The following ABHD2 variants were observed in gnomAD, a reference collection of about 807,000 sequenced individuals.
The protein encoded by ABHD2 is abhydrolase domain containing 2, acylglycerol lipase.
Under a neutral mutation model 48.1 loss-of-function variants are expected in ABHD2, and 20 were observed. The observed-to-expected ratio is 0.42, with a 90% CI of 0.29 to 0.60. The LOEUF is 0.60. ABHD2 is among the 20% of genes least tolerant of loss of function. The pLI, the probability that ABHD2 is intolerant of heterozygous loss-of-function variation, is 0.24. For missense variants in ABHD2, 405 were observed against 550.9 expected (o/e 0.74, Z 2.65); for synonymous variants, 209 against 214.2 (o/e 0.98, Z 0.21).
At position 89,114,747 on chromosome 15, in the gene ABHD2, G is replaced by A. The variant is rs1017188317; in HGVS notation, c.-7+923G>A. Among the ~76,000 whole-genome samples, 3 of 152,176 alleles carry A rather than the reference G, an allele frequency of 2.0e-5. No individual in the cohort carries two copies. Among genetic ancestry groups the A allele is most frequent in the East Asian group, 1.9e-4 (1 of 5,186 alleles). On this transcript the variant is annotated intron_variant, in intron 2 of 10. Coordinates refer to ENST00000352732, the MANE Select transcript of ABHD2 (RefSeq NM_152924.5). This position sits in a 1 kb window ranked among gnomAD's most constrained non-coding sequence, Gnocchi z 4.2. The stretch of plus-strand genomic sequence containing the variant: ...GATCCACCCACTTTGGCCTCCCAAA[G>A]TGCATGATTACAGGCATGAGCCATG...
At chr15:89,047,041 T>G in the ABHD2 span, among the ~76,000 whole-genome samples, 18 of 151,774 alleles carry the variant, frequency 1.2e-4, no homozygotes, top group African/African-American at 3.6e-4. Context: ...TTTAGTGCTA[T>G]AAATTTCCCT....
intron 3 of ABHD2, among the ~76,000 whole-genome samples, chr15:89,130,155 A>G (rs2050196709): frequency 6.6e-6 from 1 of 152,268 alleles, no homozygotes; most frequent in Non-Finnish European, 1.5e-5. Context: ...TAAGTTGGAC[A>G]TCGTATTAGT....
At chr15:89,049,411 C>A in the ABHD2 span, among the ~76,000 whole-genome samples, 1 of 152,348 alleles carries the variant, frequency 6.6e-6, no homozygotes, top group East Asian at 1.9e-4. Flanking sequence ...CTGTGGTGGG[C>A]TCCACCCTGT....
chr15:89,112,712 T>C (rs1475248955), intron 1 of ABHD2, among the ~76,000 whole-genome samples: 1 of 152,222 alleles, frequency 6.6e-6, no homozygotes, highest in East Asian at 1.9e-4. Context: ...TCTGGTGTCT[T>C]GTGTGTGTCT....
chr15:89,155,607 CTTTT>C lies in ABHD2; in HGVS notation c.538+77_538+80del. 1.3e-6 allele frequency: 2 copies of C among 1,544,610 alleles called. No homozygotes were observed. Among genetic ancestry groups the C allele is most frequent in the Non-Finnish European group, 1.7e-6 (2 of 1,143,028 alleles). On this transcript the variant is annotated intron_variant, in intron 5 of 10. Coordinates refer to ENST00000352732, the MANE Select transcript of ABHD2 (RefSeq NM_152924.5). The surrounding 1 kb of genome is among the most constrained non-coding windows in gnomAD (Gnocchi z 4.9). Reference sequence around the variant, plus strand: ...TACTTCTGCTTCTGCCTTGTTTTTTCTTTTTTTAAGTTTTAAACCTATGCCCATC... The same window carrying C: ...TACTTCTGCTTCTGCCTTGTTTTTTCTTTAAGTTTTAAACCTATGCCCATC...
chr15:89,178,717 G>C (rs182148357), intron 6 of ABHD2, among the ~76,000 whole-genome samples: 1 of 152,152 alleles, frequency 6.6e-6, no homozygotes, highest in Non-Finnish European at 1.5e-5. Context: ...CCTGGTATCC[G>C]GCAGACTTTA....
In ABHD2 at chr15:89,088,463, C is replaced by A. The variant is rs999010826; in HGVS notation, c.-207C>A. Reference sequence around the variant, plus strand: ...CCGGTAGCGGCGGGAGCTGCACTGGCCAGGGGTTCCGGCTGTATATCCATG... The same window carrying A: ...CCGGTAGCGGCGGGAGCTGCACTGGACAGGGGTTCCGGCTGTATATCCATG... On this transcript the variant is annotated 5_prime_UTR_variant, in exon 1 of 11. Coordinates refer to ENST00000352732, the MANE Select transcript of ABHD2 (RefSeq NM_152924.5). The surrounding 1 kb of genome is among the most constrained non-coding windows in gnomAD (Gnocchi z 6.8). 3.3e-5 allele frequency: 5 copies of A among 153,052 alleles called. No homozygotes were observed. The highest frequency in any genetic ancestry group is 1.2e-4 in the African/African-American group (5 of 41,584). The allele number at this position is 153,052 out of a possible 1,614,324, so 9.5% of individuals were successfully genotyped here. A position where few individuals can be genotyped will look rare whatever the true frequency, so the allele number is the denominator to read the frequency against.
chr15:89,077,119 T>C, the ABHD2 span, among the ~76,000 whole-genome samples: 12 of 152,220 alleles, frequency 7.9e-5, no homozygotes, highest in African/African-American at 2.9e-4. Context: ...GAACAGGGCA[T>C]CACTGGCACC....
At chr15:89,148,713 A>G (rs1442611839) in intron 3 of ABHD2, among the ~76,000 whole-genome samples, 3 of 152,230 alleles carry the variant, frequency 2.0e-5, no homozygotes, top group African/African-American at 7.2e-5. Flanking sequence ...CAGAGAAGCC[A>G]CAGGCCAGTC....
chr15:89,062,239 T>A, the ABHD2 span, among the ~76,000 whole-genome samples: 2 of 151,678 alleles, frequency 1.3e-5, no homozygotes, highest in Admixed American at 6.6e-5. Flanking sequence ...TGAAGAAGGG[T>A]GTTAAAGGCC....
At position 89,164,187 on chromosome 15, in the gene ABHD2, G is replaced by A. The variant is rs2050802882; in HGVS notation, c.538+8653G>A. Among the ~76,000 whole-genome samples the A allele has an allele frequency of 6.6e-6, 1 of 152,160 alleles. No individual in the cohort carries two copies. Among genetic ancestry groups the A allele is most frequent in the Non-Finnish European group, 1.5e-5 (1 of 68,012 alleles). ...GGATTCGAGTCCCTGCCTTCAGGAAGATCCCAGTCTATGAGGAACTCTCAC... is the reference window on the plus strand; with the variant it reads ...GGATTCGAGTCCCTGCCTTCAGGAAAATCCCAGTCTATGAGGAACTCTCAC... On this transcript the variant is annotated intron_variant, in intron 5 of 10. Coordinates refer to ENST00000352732, the MANE Select transcript of ABHD2 (RefSeq NM_152924.5). This position sits in a 1 kb window ranked among gnomAD's most constrained non-coding sequence, Gnocchi z 5.0.
At chr15:89,049,538 G>C in the ABHD2 span, among the ~76,000 whole-genome samples, 2 of 152,274 alleles carry the variant, frequency 1.3e-5, no homozygotes, top group Non-Finnish European at 2.9e-5. Flanking sequence ...AGCAATCAGT[G>C]AGACTCCGTG....
At chr15:89,133,609 G>A (rs1374969385) in intron 3 of ABHD2, among the ~76,000 whole-genome samples, 1 of 152,204 alleles carries the variant, frequency 6.6e-6, no homozygotes, top group Admixed American at 6.5e-5. Context: ...TAAAGAGACT[G>A]TGTATCTTTT....
In ABHD2 at chr15:89,116,852, G is replaced by T. The variant is rs1172227822; in HGVS notation, c.194+331G>T. ...TCCTTTAACGAATGCTTTGTTGCCAGTTCTAGGATGGAGAAACTATCCTCA... is the reference window on the plus strand; with the variant it reads ...TCCTTTAACGAATGCTTTGTTGCCATTTCTAGGATGGAGAAACTATCCTCA... On this transcript the variant is annotated intron_variant, in intron 3 of 10. Transcript: ENST00000352732. This position sits in a 1 kb window ranked among gnomAD's most constrained non-coding sequence, Gnocchi z 4.6. 6.6e-6 allele frequency among the ~76,000 whole-genome samples: 1 copy of T among 152,222 alleles called. No individual in the cohort carries two copies. The highest frequency in any genetic ancestry group is 1.5e-5 in the Non-Finnish European group (1 of 68,030).
At position 89,179,496 on chromosome 15, in the gene ABHD2, G is replaced by A. The variant is rs544656914; in HGVS notation, c.722+3501G>A. On this transcript the variant is annotated intron_variant, in intron 6 of 10. Coordinates refer to ENST00000352732, the MANE Select transcript of ABHD2 (RefSeq NM_152924.5). This position sits in a 1 kb window ranked among gnomAD's most constrained non-coding sequence, Gnocchi z 4.3. ...AGAATCTAATATCTGATGATCTGTC[G>A]CTGTCTCCCATCACCCCCAGATGGG... Among the ~76,000 whole-genome samples the A allele has an allele frequency of 1.8e-4, 27 of 152,118 alleles. No individual in the cohort carries two copies. The highest frequency in any genetic ancestry group is 4.4e-5 in the Non-Finnish European group (3 of 68,024).
intron 1 of ABHD2, among the ~76,000 whole-genome samples, chr15:89,108,616 G>A (rs1013458464): frequency 3.3e-5 from 5 of 152,266 alleles, no homozygotes; most frequent in East Asian, 1.9e-4. Context: ...CTGTTTGTTC[G>A]TGCTTTCCGC....
chr15:89,134,371 C>G (rs2050269142), intron 3 of ABHD2, among the ~76,000 whole-genome samples: 1 of 152,154 alleles, frequency 6.6e-6, no homozygotes, highest in Admixed American at 6.5e-5. Context: ...GACGGCTACA[C>G]TTTGTCCAAC....
chr15:89,157,211 A>G (rs975028953), intron 5 of ABHD2, among the ~76,000 whole-genome samples: 1 of 152,238 alleles, frequency 6.6e-6, no homozygotes, highest in African/African-American at 2.4e-5. Flanking sequence ...TGTGTCTTGT[A>G]CATAGAATTA....
chr15:89,054,816 G>A, the ABHD2 span, among the ~76,000 whole-genome samples: 2 of 152,000 alleles, frequency 1.3e-5, no homozygotes, highest in South Asian at 4.1e-4. Flanking sequence ...AATACTATAT[G>A]TACTGTTTGT....
Sources: gnomAD v4.1 joint callset for allele counts (sites outside exome capture counted in the v4.1 genomes callset) on GRCh38, gnomAD v4.1.1 for gene constraint, Gnocchi (gnomAD v3.1) non-coding constraint, MANE v1.5 for transcripts, NCBI Gene and HGNC (gene_info 2026-07-23, HGNC 2026-07-21) for gene names.